Variants in SSBP3 observed in about 807,000 individuals in gnomAD.
The protein encoded by SSBP3 is single-stranded DNA-binding protein 3.
SSBP3 carries 5 observed loss-of-function variants against 69.6 expected under a neutral mutation model. That is an observed-to-expected ratio of 0.07 (90% CI 0.04 to 0.15). The LOEUF (loss-of-function observed/expected upper bound fraction) is 0.15. Ranked by LOEUF, SSBP3 falls within the 10% of genes least tolerant of loss-of-function variation. SSBP3 has a pLI of 1.00. For synonymous variants in SSBP3, 196 were observed against 193.4 expected, an observed-to-expected ratio of 1.01 and a Z score of -0.11; for missense variants, 312 against 534.0, an observed-to-expected ratio of 0.58 and a Z score of 4.10.
intron 4 of SSBP3, among the ~76,000 whole-genome samples, chr1:54,362,709 G>C (rs1190259061): frequency 6.6e-6 from 1 of 152,170 alleles, no homozygotes; most frequent in African/African-American, 2.4e-5. Flanking sequence ...TCTTAGACCA[G>C]GCAGATGGTT....
chr1:54,235,028 A>T (rs1644462240), intron 14 of SSBP3, among the ~76,000 whole-genome samples: 1 of 152,160 alleles, frequency 6.6e-6, no homozygotes. Flanking sequence ...TGTTACACTG[A>T]CTCCTAGTGT....
At chr1:54,281,631 G>C in intron 4 of SSBP3, 104 bp from the exon 5 acceptor site, 1 of 1,078,890 alleles carries the variant, frequency 9.3e-7, no homozygotes, top group South Asian at 1.3e-5. Context: ...CATTCCCCGT[G>C]GACCTTCCTC....
chr1:54,405,217 C>T (rs1477647298), intron 1 of SSBP3, among the ~76,000 whole-genome samples: 1 of 152,204 alleles, frequency 6.6e-6, no homozygotes, highest in Non-Finnish European at 1.5e-5. Flanking sequence ...CTCAAACTCG[C>T]AAGCCACTCG....
chr1:54,307,819 T>C (rs1037118677), intron 4 of SSBP3, among the ~76,000 whole-genome samples: 5 of 152,160 alleles, frequency 3.3e-5, no homozygotes, highest in Non-Finnish European at 5.9e-5. Flanking sequence ...TTACCCTATA[T>C]GGTCTAAAAA....
intron 4 of SSBP3, among the ~76,000 whole-genome samples, chr1:54,335,467 T>TG (rs1646492153): frequency 6.6e-6 from 1 of 152,154 alleles, no homozygotes; most frequent in African/African-American, 2.4e-5. Flanking sequence ...CTGTGATCCA[T>TG]GTCAAGAACC....
chr1:54,276,608 CAAAAAA>C (rs746933473), intron 5 of SSBP3, among the ~76,000 whole-genome samples: 29 of 35,224 alleles, frequency 8.2e-4, no homozygotes, highest in African/African-American at 2.2e-3. Flanking sequence ...GACTCTGTCT[CAAAAAA>C]AAAAAAAAAA....
chr1:54,366,068 G>A (rs1647025309), intron 4 of SSBP3, among the ~76,000 whole-genome samples: 1 of 152,098 alleles, frequency 6.6e-6, no homozygotes, highest in Admixed American at 6.5e-5. Flanking sequence ...GTATCATTAA[G>A]GTCCCCACCC....
intron 4 of SSBP3, among the ~76,000 whole-genome samples, chr1:54,385,176 G>A (rs369380213): frequency 1.3e-5 from 2 of 152,336 alleles, no homozygotes; most frequent in East Asian, 3.9e-4. Flanking sequence ...GACTAGGGAA[G>A]CTGGCACTTA....
chr1:54,283,634 A>G (rs1015819235), intron 4 of SSBP3, among the ~76,000 whole-genome samples: 2 of 152,240 alleles, frequency 1.3e-5, no homozygotes, highest in African/African-American at 4.8e-5. Context: ...AGCAGACCCC[A>G]GATGAAGAGA....
intron 14 of SSBP3, among the ~76,000 whole-genome samples, chr1:54,234,962 G>T (rs923329908): frequency 6.6e-6 from 1 of 152,096 alleles, no homozygotes; most frequent in African/African-American, 2.4e-5. Flanking sequence ...TGGTAAAACG[G>T]AATATAGTCA....
chr1:54,251,664 C>T, exon 9 of SSBP3: 1 of 1,553,792 alleles, frequency 6.4e-7, no homozygotes, highest in South Asian at 1.2e-5. Flanking sequence ...GGTTCATTCT[C>T]TGCATTGATC....
chr1:54,259,738 G>A (rs1007771722), intron 5 of SSBP3, among the ~76,000 whole-genome samples: 29 of 152,198 alleles, frequency 1.9e-4, no homozygotes, highest in Non-Finnish European at 7.3e-5. Context: ...CATCGCAGGG[G>A]GCTGTACAAG....
At chr1:54,343,638 T>C (rs1162883972) in intron 4 of SSBP3, among the ~76,000 whole-genome samples, 1 of 152,176 alleles carries the variant, frequency 6.6e-6, no homozygotes, top group Non-Finnish European at 1.5e-5. Flanking sequence ...CATGTGAATG[T>C]GCAGTGTTCA....
intron 1 of SSBP3, among the ~76,000 whole-genome samples, chr1:54,411,455 G>A (rs1479143881): frequency 6.7e-6 from 1 of 149,312 alleles, no homozygotes; most frequent in Non-Finnish European, 1.5e-5. Context: ...TCCATCATGA[G>A]CGACAGAACA....
intron 5 of SSBP3, 36 bp downstream of exon 5, chr1:54,281,402 A>G: frequency 6.6e-7 from 1 of 1,516,544 alleles, no homozygotes; most frequent in Non-Finnish European, 8.9e-7. Context: ...CCTGGAATAC[A>G]AGGTGGAGCA....
At chr1:54,368,369 C>T (rs1284940631) in intron 4 of SSBP3, among the ~76,000 whole-genome samples, 2 of 150,914 alleles carry the variant, frequency 1.3e-5, no homozygotes, top group Non-Finnish European at 2.9e-5. Flanking sequence ...AAAATAGGTG[C>T]TTAATGAAGA....
At chr1:54,366,153 G>A (rs892797337) in intron 4 of SSBP3, among the ~76,000 whole-genome samples, 1 of 152,156 alleles carries the variant, frequency 6.6e-6, no homozygotes, top group Non-Finnish European at 1.5e-5. Context: ...AGTGGAGCCT[G>A]GAGCTCCAGC....
At chr1:54,332,395 G>A (rs1646432903) in intron 4 of SSBP3, among the ~76,000 whole-genome samples, 1 of 152,136 alleles carries the variant, frequency 6.6e-6, no homozygotes, top group Non-Finnish European at 1.5e-5. Context: ...AGAGGATGAT[G>A]TGGGATCTGG....
chr1:54,287,483 C>T (rs1053823584), intron 4 of SSBP3: 3 of 152,230 alleles, frequency 2.0e-5, no homozygotes, highest in Admixed American at 1.3e-4. Context: ...ATGGAGGTCA[C>T]TCAAGGGAGC....
Sources: gnomAD v4.1 joint callset for allele counts (sites outside exome capture counted in the v4.1 genomes callset) on GRCh38, gnomAD v4.1.1 for gene constraint, MANE v1.5 for transcripts, NCBI Gene and HGNC (gene_info 2026-07-23, HGNC 2026-07-21) for gene names.